DOCK3: variants seen among roughly 807,000 people sequenced by gnomAD.
The protein encoded by DOCK3 is dedicator of cytokinesis 3, also known as dedicator of cytokinesis protein 3.
DOCK3 carries 60 observed loss-of-function variants against 265.6 expected under a neutral mutation model. The observed-to-expected ratio is 0.23, with a 90% confidence interval of 0.18 to 0.28. DOCK3 has a LOEUF of 0.28. Ranked by LOEUF, DOCK3 falls within the 10% of genes least tolerant of loss-of-function variation. DOCK3 has a pLI of 1.00. For missense variants in DOCK3, 1,981 were observed against 2,594.3 expected, an observed-to-expected ratio of 0.76 and a Z score of 5.14; for synonymous variants, 881 against 938.0, an observed-to-expected ratio of 0.94 and a Z score of 1.11.
intron 27 of DOCK3, among the ~76,000 whole-genome samples, chr3:51,299,726 T>C (rs1035558530): frequency 6.6e-6 from 1 of 152,226 alleles, no homozygotes; most frequent in Non-Finnish European, 1.5e-5. Flanking sequence ...TGGTTGTAGA[T>C]ATGCAGTCTT....
At position 51,366,006 on chromosome 3, in the gene DOCK3, T is replaced by C. The variant is rs919381462; in HGVS notation, c.5293+3332T>C. Among the ~76,000 whole-genome samples, 5 of 152,358 alleles carry C rather than the reference T, an allele frequency of 3.3e-5. 1 individual carries two copies. The highest frequency in any genetic ancestry group is 3.3e-4 in the Admixed American group (5 of 15,304). On this transcript the variant is annotated intron_variant, in intron 49 of 52. Coordinates refer to ENST00000266037, the MANE Select transcript of DOCK3 (RefSeq NM_004947.5). ...TCAGGATGATGTTGGCCTCATAAAA[T>C]GAATTAGGGAGGATTCCCTCTTTTT...
chr3:51,140,750 G>T (rs2107178100), intron 9 of DOCK3, among the ~76,000 whole-genome samples: 1 of 152,072 alleles, frequency 6.6e-6, no homozygotes, highest in Non-Finnish European at 1.5e-5. Flanking sequence ...CCATTTCCTT[G>T]TCAGCACTTA....
chr3:51,074,038 T>C (rs1431103198), intron 6 of DOCK3, among the ~76,000 whole-genome samples: 1 of 152,224 alleles, frequency 6.6e-6, no homozygotes. Flanking sequence ...ACAGAGCTTA[T>C]AGATTTAGCT....
intron 5 of DOCK3, among the ~76,000 whole-genome samples, chr3:51,016,576 T>TA (rs2079271444): frequency 1.1e-5 from 1 of 92,352 alleles, no homozygotes; most frequent in Non-Finnish European, 1.9e-5. Context: ...TATATATATT[T>TA]ATATATATCA....
At chr3:50,773,611 A>C (rs2041415550) in intron 1 of DOCK3, among the ~76,000 whole-genome samples, 1 of 152,248 alleles carries the variant, frequency 6.6e-6, no homozygotes, top group Admixed American at 6.5e-5. Context: ...GTTAACGAGT[A>C]AAAGAACTGC....
chr3:51,375,920 G>C (rs567833921), intron 51 of DOCK3, 85 bp downstream of exon 51: 1 of 1,429,620 alleles, frequency 7.0e-7, no homozygotes, highest in Non-Finnish European at 9.9e-7. Context: ...GCTGGCCAGG[G>C]CTAAGCCATA....
intron 5 of DOCK3, among the ~76,000 whole-genome samples, chr3:50,975,458 T>C (rs956602732): frequency 1.5e-4 from 23 of 150,848 alleles, no homozygotes; most frequent in Admixed American, 6.6e-4. Flanking sequence ...GATTTGGGTA[T>C]ATTGAACCAG....
At chr3:51,084,751 CAAGG>C (rs1345823791) in intron 7 of DOCK3, among the ~76,000 whole-genome samples, 4 of 151,872 alleles carry the variant, frequency 2.6e-5, no homozygotes, top group African/African-American at 7.3e-5. Flanking sequence ...AAACAAGAAA[CAAGG>C]AAGAAAGAAA....
intron 2 of DOCK3, among the ~76,000 whole-genome samples, chr3:50,790,955 ATG>A (rs1017996025): frequency 2.4e-4 from 4 of 16,642 alleles, no homozygotes; most frequent in Admixed American, 1.4e-3. Flanking sequence ...CCACTTTTTA[ATG>A]TTTTTTTTTG....
chr3:51,321,932 C>A (rs1319140232), intron 32 of DOCK3, among the ~76,000 whole-genome samples: 5 of 152,178 alleles, frequency 3.3e-5, no homozygotes, highest in Non-Finnish European at 7.3e-5. Context: ...AGAACTTCCC[C>A]AACCTAGCAA....
At chr3:50,821,117 T>TTTTC (rs770179063) in intron 2 of DOCK3, among the ~76,000 whole-genome samples, 1 of 150,750 alleles carries the variant, frequency 6.6e-6, no homozygotes, top group Non-Finnish European at 1.5e-5. Flanking sequence ...TTGCTGATAG[T>TTTTC]TTTCTTTCTT....
chr3:51,291,897 C>T (rs1477397030), intron 27 of DOCK3, among the ~76,000 whole-genome samples: 2 of 152,130 alleles, frequency 1.3e-5, no homozygotes, highest in Non-Finnish European at 2.9e-5. Flanking sequence ...GGATTATTCA[C>T]CATGATCAAG....
chr3:51,119,373 C>T (rs2106694237), intron 9 of DOCK3, among the ~76,000 whole-genome samples: 1 of 152,272 alleles, frequency 6.6e-6, no homozygotes, highest in Non-Finnish European at 1.5e-5. Context: ...GATAACCTGA[C>T]CTTTCTCTCT....
intron 12 of DOCK3, among the ~76,000 whole-genome samples, chr3:51,172,688 T>C: frequency 6.6e-6 from 1 of 152,202 alleles, no homozygotes; most frequent in African/African-American, 2.4e-5. Context: ...TATGATTTTT[T>C]GGTAGTTTGG....
chr3:51,343,309 A>G (rs913145277), intron 38 of DOCK3, among the ~76,000 whole-genome samples: 12 of 152,174 alleles, frequency 7.9e-5, no homozygotes, highest in African/African-American at 1.4e-4. Flanking sequence ...ACTACCCCCA[A>G]GAGCTGCCCC....
chr3:50,746,327 G>A (rs1157460262), intron 1 of DOCK3, among the ~76,000 whole-genome samples: 2 of 151,856 alleles, frequency 1.3e-5, no homozygotes, highest in East Asian at 1.9e-4. Context: ...GGCTGGTCTC[G>A]AACTCCTGAC....
chr3:51,293,190 C>T (rs1049399375), intron 27 of DOCK3, among the ~76,000 whole-genome samples: 3 of 152,036 alleles, frequency 2.0e-5, no homozygotes, highest in Non-Finnish European at 4.4e-5. Flanking sequence ...CCAAAAAGAA[C>T]AAAGCTGGAG....
chr3:51,380,308 C>A, intron 52 of DOCK3, 101 bp downstream of exon 52: 1 of 1,108,962 alleles, frequency 9.0e-7, no homozygotes, highest in South Asian at 1.6e-5. Flanking sequence ...GAGCCCTCCC[C>A]TTCACCTCTC....
intron 5 of DOCK3, among the ~76,000 whole-genome samples, chr3:50,954,554 C>G (rs1264781556): frequency 6.6e-6 from 1 of 151,940 alleles, no homozygotes; most frequent in Non-Finnish European, 1.5e-5. Flanking sequence ...TATAAAGTAC[C>G]CAATATAGTG....
Sources: allele counts gnomAD v4.1 joint callset (sites outside exome capture counted in the v4.1 genomes callset), GRCh38; gene constraint gnomAD v4.1.1; transcripts MANE v1.5; gene names NCBI Gene and HGNC (gene_info 2026-07-23, HGNC 2026-07-21).